Variants in MICAL3 observed in about 807,000 individuals in gnomAD.
The protein encoded by MICAL3 is microtubule associated monooxygenase, calponin and LIM domain containing 3.
MICAL3 carries 62 observed loss-of-function variants against 207.4 expected under a neutral mutation model. That is an observed-to-expected ratio of 0.30 (90% CI 0.24 to 0.37). The LOEUF (loss-of-function observed/expected upper bound fraction) is 0.37, where lower values mean the gene tolerates loss of function less well. Ranked by LOEUF, MICAL3 falls within the 10% of genes least tolerant of loss-of-function variation. MICAL3 has a pLI of 1.00. For synonymous variants in MICAL3, 1,077 were observed against 1,069.3 expected (o/e 1.01, Z -0.14); for missense variants, 2,368 against 2,635.6 (o/e 0.90, Z 2.22).
At position 17,980,965 on chromosome 22, in the gene MICAL3, C is replaced by T. The variant is rs561392930; in HGVS notation, c.-75+43316G>A. Reference sequence around the variant, plus strand: ...CACACTTGGAGGTGTCTGTGATCATCTGTCTATTGGTCCCCTCCAGACACT... The same window carrying T: ...CACACTTGGAGGTGTCTGTGATCATTTGTCTATTGGTCCCCTCCAGACACT... On this transcript the variant is annotated intron_variant, in intron 1 of 31. Coordinates refer to ENST00000441493, the MANE Select transcript of MICAL3 (RefSeq NM_015241.3). The T allele has an allele frequency of 5.8e-6, 3 of 519,814 alleles. No individual in the cohort carries two copies. In the African/African-American group the frequency reaches 5.8e-5, roughly 10 times the overall value. The allele number at this position is 519,814 out of a possible 1,614,324, so 32.2% of individuals were successfully genotyped here.
intron 6 of MICAL3, among the ~76,000 whole-genome samples, chr22:17,899,908 G>A (rs1198837919): frequency 6.6e-6 from 1 of 152,172 alleles, no homozygotes; most frequent in African/African-American, 2.4e-5. Context: ...GAAGCTGGAG[G>A]AATCTCCTAG....
At chr22:17,970,310 C>T (rs1935344209) in intron 1 of MICAL3, among the ~76,000 whole-genome samples, 1 of 152,232 alleles carries the variant, frequency 6.6e-6, no homozygotes, top group African/African-American at 2.4e-5. Flanking sequence ...GAGCGGCTGA[C>T]CAGCTGCTGG....
chr22:17,834,107 G>A (rs1923102948), intron 20 of MICAL3, among the ~76,000 whole-genome samples: 1 of 152,222 alleles, frequency 6.6e-6, no homozygotes, highest in Admixed American at 6.5e-5. Flanking sequence ...GGGCAGTCTT[G>A]TGGGCTGTAT....
At chr22:18,008,175 G>A (rs975567903) in intron 1 of MICAL3, among the ~76,000 whole-genome samples, 15 of 152,196 alleles carry the variant, frequency 9.9e-5, no homozygotes, top group African/African-American at 3.1e-4. Flanking sequence ...AGGAGGTGGA[G>A]ATTGCAGTAG....
intron 1 of MICAL3, among the ~76,000 whole-genome samples, chr22:17,993,849 C>T (rs182823683): frequency 0.014 from 2,095 of 152,106 alleles, 42 homozygotes; most frequent in African/African-American, 0.048. Flanking sequence ...CCCCCCAGGA[C>T]GGAGGTAACC....
chr22:17,963,452 C>T (rs1228015511), intron 1 of MICAL3, among the ~76,000 whole-genome samples: 1 of 152,020 alleles, frequency 6.6e-6, no homozygotes, highest in African/African-American at 2.4e-5. Flanking sequence ...GGGCTAAGGA[C>T]CTGACAGTCC....
rs2061815212 is a variant in MICAL3, at chr22:17,790,514, TGGGCCTCCTCCCAGGA to T, written c.*202_*217del. 5.2e-6 allele frequency: 3 copies of T among 576,966 alleles called. No individual in the cohort carries two copies. Among genetic ancestry groups the T allele is most frequent in the Admixed American group, 3.1e-5 (1 of 32,662 alleles). The allele number at this position is 576,966 out of a possible 1,614,324, so 35.7% of individuals were successfully genotyped here. A position where few individuals can be genotyped will look rare whatever the true frequency, so the allele number is the denominator to read the frequency against. On this transcript the variant is annotated 3_prime_UTR_variant, in exon 32 of 32. Coordinates refer to ENST00000441493, the MANE Select transcript of MICAL3 (RefSeq NM_015241.3). ...TGCTCCTCTGAGTGGGAGGTCCAGG[TGGGCCTCCTCCCAGGA>T]GGTGGAGCCGTCTCAGATAACCACT...
intron 1 of MICAL3, among the ~76,000 whole-genome samples, chr22:18,023,211 T>C (rs1260841241): frequency 6.6e-6 from 1 of 151,732 alleles, no homozygotes; most frequent in African/African-American, 2.4e-5. Flanking sequence ...CAGTATGCAC[T>C]CCAAATTTTC....
intron 1 of MICAL3, among the ~76,000 whole-genome samples, chr22:17,953,958 A>G (rs13056721): frequency 0.011 from 1,240 of 117,928 alleles, 21 homozygotes; most frequent in African/African-American, 0.033. Context: ...AAAAAAAAAA[A>G]AAAAAAAAAG....
rs765076191 is a variant in MICAL3 at position 17,871,875 on chromosome 22, G to T, written c.2390C>A (p.Thr797Asn). The T allele has an allele frequency of 1.2e-6, 2 of 1,611,254 alleles. No homozygotes were observed. Among genetic ancestry groups the T allele is most frequent in the Admixed American group, 1.7e-5 (1 of 59,704 alleles). ...SCFKCEYCAT[T>N]LRLSAYAYDI... ...GTAGGCGTAGGCCGAGAGGCGCAGG[G>T]TGGTGGCGCAGTACTCGCACTTGAA... The change falls in exon 17 of 32, where the codon ACC becomes AAC. Residue 797 changes from threonine to asparagine, a missense_variant. Thr to Asn is a moderately conservative substitution (Grantham distance 65). Around this residue, in one of 4 missense-constraint regions of MICAL3, gnomAD observed 1,770 missense variants for 1,863.2 expected, o/e 0.95. Coordinates refer to ENST00000441493, the MANE Select transcript of MICAL3 (RefSeq NM_015241.3).
chr22:17,884,144 GA>G (rs1929663522), intron 16 of MICAL3: 2 of 561,160 alleles, frequency 3.6e-6, no homozygotes, highest in Non-Finnish European at 6.3e-6. Context: ...GCTACTACTC[GA>G]ATGAGCAGAG....
At chr22:17,954,266 G>A (rs1045665934) in intron 1 of MICAL3, among the ~76,000 whole-genome samples, 4 of 152,170 alleles carry the variant, frequency 2.6e-5, no homozygotes, top group Admixed American at 6.5e-5. Context: ...AGGGACCATC[G>A]CATTGGGGAC....
chr22:17,828,264 T>C (rs944396996), intron 21 of MICAL3, among the ~76,000 whole-genome samples: 1 of 152,148 alleles, frequency 6.6e-6, no homozygotes, highest in African/African-American at 2.4e-5. Context: ...CCACCACCAC[T>C]CGCCCAGCTG....
At chr22:17,860,195 T>C (rs950285893) in intron 19 of MICAL3, 1 of 979,750 alleles carries the variant, frequency 1.0e-6, no homozygotes, top group African/African-American at 1.7e-5. Flanking sequence ...AATAAGAATG[T>C]AACATTTGTT....
rs367876917 is a variant in MICAL3 at position 17,896,273 on chromosome 22, G to A, written c.1295C>T (p.Thr432Met). 130 of 1,557,722 alleles carry A rather than the reference G, an allele frequency of 8.3e-5. No individual in the cohort carries two copies. Among genetic ancestry groups the A allele is most frequent in the Middle Eastern group, 1.7e-4 (1 of 6,020 alleles). ...AWMVRSWSLG[T>M]SPLEVLAERE... ...CTCTGCCAGCACTTCCAAAGGGCTC[G>A]TTCCTAGAGACCAACTTCGGACCAT... Residue 432 changes from threonine (T) to methionine (M), a missense_variant, in exon 9 of 32, where the codon ACG becomes ATG. Transcript: ENST00000441493.
At chr22:18,003,993 C>T (rs568361232) in intron 1 of MICAL3, among the ~76,000 whole-genome samples, 1 of 152,332 alleles carries the variant, frequency 6.6e-6, no homozygotes, top group South Asian at 2.1e-4. Flanking sequence ...TGGTCTCGAT[C>T]TCCTGACCCT....
intron 25 of MICAL3, among the ~76,000 whole-genome samples, chr22:17,820,424 G>A (rs992977433): frequency 2.0e-5 from 3 of 152,090 alleles, no homozygotes; most frequent in Non-Finnish European, 4.4e-5. Flanking sequence ...GTGCCATCTC[G>A]GCTCACTGCA....
intron 19 of MICAL3, among the ~76,000 whole-genome samples, chr22:17,844,022 T>G: frequency 6.6e-6 from 1 of 152,214 alleles, no homozygotes; most frequent in East Asian, 1.9e-4. Context: ...AGTTTTTTTG[T>G]ATTTTTAGTA....
intron 15 of MICAL3, 87 bp from the exon 16 acceptor site, chr22:17,886,138 G>C: frequency 7.1e-7 from 1 of 1,416,314 alleles, no homozygotes; most frequent in Non-Finnish European, 9.8e-7. Context: ...CTCAGGACCT[G>C]GCATGGGGGC....
Sources: gnomAD v4.1 joint callset for allele counts (sites outside exome capture counted in the v4.1 genomes callset) on GRCh38, gnomAD v4.1.1 for gene constraint, gnomAD v4.1.1 regional missense constraint, MANE v1.5 for transcripts, NCBI Gene and HGNC (gene_info 2026-07-23, HGNC 2026-07-21) for gene names.